CLVS1: variants seen among roughly 807,000 people sequenced by gnomAD.
The protein encoded by CLVS1 is clavesin-1.
A neutral mutation model predicts 33.1 loss-of-function variants in CLVS1; 10 were observed. The observed-to-expected ratio is 0.30, with a 90% CI of 0.19 to 0.51. The LOEUF is 0.51. Ranked by LOEUF, CLVS1 falls within the 20% of genes least tolerant of loss-of-function variation. The pLI, the probability that CLVS1 is intolerant of heterozygous loss-of-function variation, is 0.97. For missense variants in CLVS1, 343 were observed against 433.4 expected, an observed-to-expected ratio of 0.79 and a Z score of 1.85; for synonymous variants, 163 against 166.1, an observed-to-expected ratio of 0.98 and a Z score of 0.14.
chr8:61,397,477 T>C (rs976946271), intron 3 of CLVS1, among the ~76,000 whole-genome samples: 1 of 152,162 alleles, frequency 6.6e-6, no homozygotes, highest in Non-Finnish European at 1.5e-5. Context: ...GTAGGTTGTC[T>C]TTTTACTTTA....
chr8:61,250,927 C>T (rs2129591608), intron 2 of CLVS1, among the ~76,000 whole-genome samples: 1 of 152,200 alleles, frequency 6.6e-6, no homozygotes, highest in Non-Finnish European at 1.5e-5. Context: ...ACCTGATTGC[C>T]CTGGCCAGAA....
chr8:61,043,464 C>A, the CLVS1 span, among the ~76,000 whole-genome samples: 1 of 152,216 alleles, frequency 6.6e-6, no homozygotes, highest in Non-Finnish European at 1.5e-5. Flanking sequence ...TGACAATGAA[C>A]TATTACAAAC....
the CLVS1 span, chr8:60,964,894 C>G: frequency 2.0e-5 from 3 of 152,020 alleles, no homozygotes; most frequent in Non-Finnish European, 2.9e-5. Context: ...TATATTCCCA[C>G]TTAATGGATA....
chr8:61,406,872 G>A (rs760334939), intron 3 of CLVS1, among the ~76,000 whole-genome samples: 8 of 152,192 alleles, frequency 5.3e-5, no homozygotes, highest in Non-Finnish European at 8.8e-5. Flanking sequence ...ACCTCCCAAA[G>A]TGCTGGGATT....
intron 5 of CLVS1, among the ~76,000 whole-genome samples, chr8:61,459,583 A>G (rs923782249): frequency 6.6e-6 from 1 of 150,998 alleles, no homozygotes; most frequent in African/African-American, 2.4e-5. Flanking sequence ...CCCATCGGTG[A>G]GAACATAAGA....
the CLVS1 span, among the ~76,000 whole-genome samples, chr8:60,975,159 G>A: frequency 6.6e-6 from 1 of 152,256 alleles, no homozygotes; most frequent in Admixed American, 6.5e-5. Context: ...TCATAGATGA[G>A]AGAAAAAAGC....
chr8:61,237,267 T>A (rs772037375), intron 2 of CLVS1, among the ~76,000 whole-genome samples: 15 of 151,878 alleles, frequency 9.9e-5, no homozygotes, highest in Non-Finnish European at 2.2e-4. Context: ...TGGTAGTGCC[T>A]GTAAGGGCAA....
At chr8:61,431,420 C>G (rs960012554) in intron 3 of CLVS1, among the ~76,000 whole-genome samples, 1 of 152,110 alleles carries the variant, frequency 6.6e-6, no homozygotes, top group East Asian at 1.9e-4. Flanking sequence ...ATGTGGAAAC[C>G]CTTCAGCATC....
chr8:61,359,125 A>G (rs1285358681), intron 2 of CLVS1, among the ~76,000 whole-genome samples: 1 of 152,208 alleles, frequency 6.6e-6, no homozygotes, highest in African/African-American at 2.4e-5. Flanking sequence ...ATTACGGTTT[A>G]TTATGACTGC....
intron 2 of CLVS1, among the ~76,000 whole-genome samples, chr8:61,242,518 G>C (rs150430941): frequency 5.7e-4 from 87 of 152,226 alleles, no homozygotes; most frequent in African/African-American, 1.7e-3. Context: ...GGCCAGGCAT[G>C]GTGGCTGATG....
At chr8:61,253,035 G>A (rs548578476) in intron 2 of CLVS1, among the ~76,000 whole-genome samples, 2 of 152,254 alleles carry the variant, frequency 1.3e-5, no homozygotes, top group African/African-American at 2.4e-5. Flanking sequence ...TTACAATTTG[G>A]CATGTTTTTA....
chr8:61,243,926 ATCT>A (rs1235556329), intron 2 of CLVS1, among the ~76,000 whole-genome samples: 3 of 151,920 alleles, frequency 2.0e-5, no homozygotes, highest in African/African-American at 7.3e-5. Flanking sequence ...CATTTTTAAG[ATCT>A]TCTTTTCTAA....
At chr8:61,189,210 G>C in intron 2 of CLVS1, among the ~76,000 whole-genome samples, 1 of 152,152 alleles carries the variant, frequency 6.6e-6, no homozygotes. Flanking sequence ...GAGAGTGGGG[G>C]CCAATATTCA....
the CLVS1 span, among the ~76,000 whole-genome samples, chr8:61,011,126 G>A: frequency 6.6e-6 from 1 of 152,314 alleles, no homozygotes; most frequent in East Asian, 1.9e-4. Flanking sequence ...GTTTTCGCTT[G>A]TGCAGACGAA....
intron 1 of CLVS1, among the ~76,000 whole-genome samples, chr8:61,125,486 T>A (rs1805952849): frequency 6.6e-6 from 1 of 152,202 alleles, no homozygotes; most frequent in African/African-American, 2.4e-5. Context: ...CCAGATAATA[T>A]TTCTTTTCTC....
intron 2 of CLVS1, among the ~76,000 whole-genome samples, chr8:61,173,302 T>C (rs1299639169): frequency 1.3e-5 from 2 of 152,228 alleles, no homozygotes; most frequent in Non-Finnish European, 2.9e-5. Context: ...TCTGACTGAA[T>C]GAATCACTCT....
the CLVS1 span, among the ~76,000 whole-genome samples, chr8:61,037,806 G>T: frequency 6.6e-6 from 1 of 152,298 alleles, no homozygotes; most frequent in South Asian, 2.1e-4. Context: ...AGGCAAATAG[G>T]AAACAGGCAA....
At chr8:60,979,403 A>C in the CLVS1 span, among the ~76,000 whole-genome samples, 2 of 152,234 alleles carry the variant, frequency 1.3e-5, no homozygotes, top group African/African-American at 4.8e-5. Context: ...CAAAAATATC[A>C]CATGGCTGGA....
intron 2 of CLVS1, among the ~76,000 whole-genome samples, chr8:61,255,001 A>T (rs1229523189): frequency 6.6e-6 from 1 of 152,134 alleles, no homozygotes; most frequent in Non-Finnish European, 1.5e-5. Context: ...CATCACTGAC[A>T]CTGGGAGCTG....
Sources: gnomAD v4.1 joint callset for allele counts (sites outside exome capture counted in the v4.1 genomes callset) on GRCh38, gnomAD v4.1.1 for gene constraint, MANE v1.5 for transcripts, NCBI Gene and HGNC (gene_info 2026-07-23, HGNC 2026-07-21) for gene names.